Variants in THADA observed in about 807,000 individuals in gnomAD.
THADA encodes tRNA (32-2'-O)-methyltransferase regulator THADA.
In THADA, 213 loss-of-function variants were observed where a neutral mutation model predicts 219.8. The ratio of observed to expected loss-of-function variants is 0.97; its 90% CI spans 0.87 to 1.09. The LOEUF (loss-of-function observed/expected upper bound fraction) is 1.09. THADA is among the 50% of genes least tolerant of loss of function. THADA has a pLI of 0.00. For missense variants in THADA, 2,956 were observed against 2,311.3 expected (o/e 1.28, Z -5.72); for synonymous variants, 1,018 against 828.9 (o/e 1.23, Z -3.92).
intron 22 of THADA, among the ~76,000 whole-genome samples, chr2:43,516,641 T>C (rs1457597170): frequency 6.6e-6 from 1 of 152,136 alleles, no homozygotes; most frequent in Non-Finnish European, 1.5e-5. Context: ...AATAATTTGC[T>C]CAAGGTTACA....
rs768000359 is a variant in THADA, at chr2:43,292,142, C to A, written c.4899G>T (p.Glu1633Asp). 6.2e-7 allele frequency: 1 copy of A among 1,611,688 alleles called. No individual in the cohort carries two copies. Among genetic ancestry groups the A allele is most frequent in the South Asian group, 1.1e-5 (1 of 90,322 alleles). The change falls in exon 33 of 38, where the codon GAG (glutamate) becomes GAT (aspartate). Residue 1633 changes from glutamate to aspartate, a missense_variant. By Grantham distance (45) the Glu-to-Asp change is conservative (BLOSUM62 2). Coordinates refer to ENST00000405975, the MANE Select transcript of THADA (RefSeq NM_022065.5). ...TEHCVHLTPK[E>D]FLIWTMDIAS... ...CAATATCCATCGTCCAGATCAAGAA[C>A]TCCTTTGGGGTCAGATGGACACAGT... is the stretch of plus-strand genomic sequence containing the variant.
chr2:43,593,862 T>C (rs957088200), intron 1 of THADA, among the ~76,000 whole-genome samples: 1 of 152,108 alleles, frequency 6.6e-6, no homozygotes, highest in Non-Finnish European at 1.5e-5. Context: ...CTCGATCTCC[T>C]GACCTCGTGA....
chr2:43,435,206 G>C (rs1679914467), intron 26 of THADA, among the ~76,000 whole-genome samples: 1 of 152,196 alleles, frequency 6.6e-6, no homozygotes, highest in South Asian at 2.1e-4. Flanking sequence ...TGTAATCCGA[G>C]CACTTTGGGA....
chr2:43,331,918 T>TAAACACACACACACACACAC (rs1553394231), intron 30 of THADA, among the ~76,000 whole-genome samples: 5 of 142,742 alleles, frequency 3.5e-5, no homozygotes, highest in Non-Finnish European at 7.6e-5. Flanking sequence ...ATATATCTAA[T>TAAACACACACACACACACAC]ACACACACAC....
At chr2:43,336,733 C>T (rs979097993) in intron 30 of THADA, among the ~76,000 whole-genome samples, 3 of 152,202 alleles carry the variant, frequency 2.0e-5, no homozygotes, top group African/African-American at 7.2e-5. Context: ...GGTTTTAAAA[C>T]CTCTCCAGAT....
At chr2:43,591,308 G>C (rs1433870368) in intron 3 of THADA, among the ~76,000 whole-genome samples, 1 of 152,166 alleles carries the variant, frequency 6.6e-6, no homozygotes, top group Admixed American at 6.6e-5. Context: ...CTGGGTAAGA[G>C]AGTGAGACCC....
intron 21 of THADA, among the ~76,000 whole-genome samples, chr2:43,532,288 C>T (rs939066018): frequency 3.3e-5 from 5 of 151,666 alleles, no homozygotes; most frequent in Non-Finnish European, 7.4e-5. Context: ...CACCATGCGC[C>T]TGTAGTCCCA....
chr2:43,235,289 TTTG>T (rs1447731697), intron 36 of THADA, among the ~76,000 whole-genome samples: 6 of 152,004 alleles, frequency 3.9e-5, no homozygotes, highest in African/African-American at 7.3e-5. Context: ...TTATCACTTT[TTTG>T]TTGTTGTTGT....
At chr2:43,272,277 C>T (rs541488954) in intron 36 of THADA, among the ~76,000 whole-genome samples, 3 of 151,988 alleles carry the variant, frequency 2.0e-5, no homozygotes, top group South Asian at 4.2e-4. Context: ...TGGGTTTTAC[C>T]CAGATTAAGA....
chr2:43,304,926 C>T (rs1676684582), intron 31 of THADA, among the ~76,000 whole-genome samples: 1 of 152,202 alleles, frequency 6.6e-6, no homozygotes, highest in Non-Finnish European at 1.5e-5. Context: ...CCCACCTCGG[C>T]CTCCCAAAGT....
intron 28 of THADA, among the ~76,000 whole-genome samples, chr2:43,416,435 A>G (rs560705788): frequency 6.6e-6 from 1 of 152,336 alleles, no homozygotes; most frequent in African/African-American, 2.4e-5. Context: ...ATACAAATAT[A>G]TATTTTGTTA....
At chr2:43,538,755 G>A (rs1345075789) in intron 21 of THADA, among the ~76,000 whole-genome samples, 1 of 152,116 alleles carries the variant, frequency 6.6e-6, no homozygotes, top group East Asian at 1.9e-4. Flanking sequence ...GCTTCCTCTT[G>A]TCCAAGAGAG....
chr2:43,258,664 A>G (rs1473653197), intron 36 of THADA, among the ~76,000 whole-genome samples: 1 of 152,236 alleles, frequency 6.6e-6, no homozygotes, highest in African/African-American at 2.4e-5. Context: ...GGACGACCTC[A>G]ATGACCAGGC....
chr2:43,495,779 C>T (rs887740123), intron 25 of THADA, among the ~76,000 whole-genome samples: 1 of 152,192 alleles, frequency 6.6e-6, no homozygotes, highest in Non-Finnish European at 1.5e-5. Flanking sequence ...ATATTTCTGA[C>T]AATCACTTTT....
intron 31 of THADA, 129 bp from the exon 32 acceptor site, chr2:43,293,342 C>A: frequency 9.6e-7 from 1 of 1,043,192 alleles, no homozygotes; most frequent in South Asian, 1.7e-5. Context: ...ATTTCAAACA[C>A]TGTCATAAGT....
chr2:43,508,703 G>T lies in THADA; in HGVS notation c.3452C>A (p.Pro1151His). 1 of 1,613,674 alleles carries T rather than the reference G, an allele frequency of 6.2e-7. No homozygotes were observed. Among genetic ancestry groups the T allele is most frequent in the Non-Finnish European group, 8.5e-7 (1 of 1,179,726 alleles). Residue 1151 changes from proline (P) to histidine (H), a missense_variant, in exon 23 of 38, where the codon CCT becomes CAT. Coordinates refer to ENST00000405975, the MANE Select transcript of THADA (RefSeq NM_022065.5). The stretch of plus-strand genomic sequence containing the variant: ...CCTTGTAGCACAGAGTTTAGATGAA[G>T]GATCACTGCATTTAATTTCCTCTAA... ...SVLEEIKCSD[P>H]SSKLCATRRS...
intron 26 of THADA, among the ~76,000 whole-genome samples, chr2:43,440,521 A>C (rs1200013520): frequency 6.6e-6 from 1 of 152,338 alleles, no homozygotes; most frequent in East Asian, 1.9e-4. Context: ...AAAACTGGTC[A>C]AGAACATCAA....
In THADA at chr2:43,560,268, A is replaced by C. The variant is rs1244957614; in HGVS notation, c.2429T>G (p.Leu810Arg). ...TACAGCTGTTTTTGATAACTTCATC[A>C]GAAGATCAAATGCTAAAATTTTCAC... ...EDVKILAFDL[L>R]MKLSKTAVHF... is the part of the protein sequence containing the mutation. The change falls in exon 16 of 38, where the codon CTG becomes CGG. Residue 810 changes from leucine (L) to arginine (R), a missense_variant. Transcript: ENST00000405975. 6.2e-7 allele frequency: 1 copy of C among 1,612,468 alleles called. No homozygotes were observed. Among genetic ancestry groups the C allele is most frequent in the Non-Finnish European group, 8.5e-7 (1 of 1,179,308 alleles).
chr2:43,360,248 T>G (rs562510820), intron 29 of THADA, among the ~76,000 whole-genome samples: 1 of 152,342 alleles, frequency 6.6e-6, no homozygotes, highest in African/African-American at 2.4e-5. Context: ...TCTTTTTATG[T>G]AAACCATGTC....
Sources: allele counts gnomAD v4.1 joint callset (sites outside exome capture counted in the v4.1 genomes callset), GRCh38; gene constraint gnomAD v4.1.1; transcripts MANE v1.5; gene names NCBI Gene and HGNC (gene_info 2026-07-23, HGNC 2026-07-21).